The following POLN variants were observed in gnomAD, a reference collection of about 807,000 sequenced individuals.
The protein encoded by POLN is DNA polymerase nu.
Under a neutral mutation model 113.5 loss-of-function variants are expected in POLN, and 108 were observed. The observed-to-expected ratio is 0.95, with a 90% CI of 0.81 to 1.12. POLN has a LOEUF of 1.12. POLN is among the 50% of genes most tolerant of loss of function. POLN has a pLI of 0.00. For missense variants in POLN, 1,097 were observed against 1,077.1 expected (o/e 1.02, Z -0.26); for synonymous variants, 386 against 391.5 (o/e 0.99, Z 0.17).
At chr4:2,221,607 CATCCT>C (rs1180170940) in intron 3 of POLN, among the ~76,000 whole-genome samples, 1 of 152,182 alleles carries the variant, frequency 6.6e-6, no homozygotes, top group Non-Finnish European at 1.5e-5. Flanking sequence ...AACAGAGTCT[CATCCT>C]ATCCTTCAGG....
At chr4:2,114,756 T>C (rs1731276625) in intron 19 of POLN, among the ~76,000 whole-genome samples, 1 of 152,216 alleles carries the variant, frequency 6.6e-6, no homozygotes, top group Admixed American at 6.5e-5. Flanking sequence ...GGTGAGATTT[T>C]TGGATACGTA....
intron 19 of POLN, among the ~76,000 whole-genome samples, chr4:2,097,595 G>A (rs761396704): frequency 2.0e-5 from 3 of 151,398 alleles, no homozygotes; most frequent in African/African-American, 2.4e-5. Context: ...TGATCAGCCC[G>A]CCTTGGCCTC....
intron 13 of POLN, among the ~76,000 whole-genome samples, chr4:2,159,844 G>A (rs1732533430): frequency 6.6e-6 from 1 of 152,164 alleles, no homozygotes; most frequent in Non-Finnish European, 1.5e-5. Context: ...TTGCACGGCT[G>A]TGTAGTATTC....
At chr4:2,191,298 G>A (rs967571835) in intron 7 of POLN, among the ~76,000 whole-genome samples, 1 of 152,146 alleles carries the variant, frequency 6.6e-6, no homozygotes, top group Admixed American at 6.5e-5. Flanking sequence ...TCTCATGAAG[G>A]TAGAGTAGAT....
chr4:2,221,761 G>C (rs1734258765), intron 3 of POLN, among the ~76,000 whole-genome samples: 1 of 152,108 alleles, frequency 6.6e-6, no homozygotes, highest in African/African-American at 2.4e-5. Flanking sequence ...TTTTAGTAGA[G>C]ACAGGGTTCC....
At chr4:2,193,464 A>G in intron 6 of POLN, 148 bp from the exon 7 acceptor site, 1 of 584,280 alleles carries the variant, frequency 1.7e-6, no homozygotes. Context: ...ACTGTTATTT[A>G]TCATCTGCGT....
At chr4:2,112,780 T>C (rs1378836360) in intron 19 of POLN, among the ~76,000 whole-genome samples, 1 of 152,200 alleles carries the variant, frequency 6.6e-6, no homozygotes, top group Non-Finnish European at 1.5e-5. Context: ...ACTTTTACAC[T>C]GTTGGTAGGA....
At chr4:2,074,812 G>A (rs903631777) in intron 24 of POLN, among the ~76,000 whole-genome samples, 4 of 152,134 alleles carry the variant, frequency 2.6e-5, no homozygotes, top group African/African-American at 7.2e-5. Context: ...ACCTGCTCTC[G>A]CCTCTCCCCT....
chr4:2,086,015 C>T (rs550726939), intron 20 of POLN, among the ~76,000 whole-genome samples: 57 of 152,272 alleles, frequency 3.7e-4, no homozygotes, highest in African/African-American at 1.3e-3. Flanking sequence ...CCTCCCAGTG[C>T]GGCCAGTGGG....
intron 19 of POLN, among the ~76,000 whole-genome samples, chr4:2,116,029 ATT>A (rs1731309264): frequency 6.6e-6 from 1 of 151,854 alleles, no homozygotes; most frequent in Non-Finnish European, 1.5e-5. Flanking sequence ...CTGCACCTTG[ATT>A]TTTTTCCCTT....
At chr4:2,231,981 A>G in intron 2 of POLN, 1 of 1,486,056 alleles carries the variant, frequency 6.7e-7, no homozygotes, top group Non-Finnish European at 9.3e-7. Context: ...AATTCTCCAC[A>G]ATATCTTTCA....
Position 2,213,135 on chromosome 4 carries a change from A to G in POLN, c.134-9T>C. The stretch of plus-strand genomic sequence containing the variant: ...GTTTATCACTTCCATAGCTTTTAAA[A>G]ACAACAAAAAAGAAACATGGGGCAT... On this transcript the variant is annotated splice_polypyrimidine_tract_variant and intron_variant, in intron 3 of 25. Coordinates refer to ENST00000511885, the MANE Select transcript of POLN (RefSeq NM_181808.4). 1.3e-6 allele frequency: 2 copies of G among 1,568,456 alleles called. No homozygotes were observed. The highest frequency in any genetic ancestry group is 1.7e-6 in the Non-Finnish European group (2 of 1,155,618).
intron 3 of POLN, 121 bp downstream of exon 3, chr4:2,228,978 T>A: frequency 1.1e-6 from 1 of 944,262 alleles, no homozygotes; most frequent in Non-Finnish European, 1.6e-6. Flanking sequence ...ACTGAATGAG[T>A]GTAAAAGGGG....
chr4:2,193,199 C>CT lies in POLN; in HGVS notation c.1021+4dup. The CT allele has an allele frequency of 6.3e-7, 1 of 1,575,510 alleles. No homozygotes were observed. Among genetic ancestry groups the CT allele is most frequent in the Admixed American group, 1.7e-5 (1 of 58,318 alleles). On this transcript the variant is annotated splice_donor_region_variant and intron_variant, in intron 7 of 25. Transcript: ENST00000511885. The stretch of plus-strand genomic sequence containing the variant: ...ATTATAGAGAGAATAAAAAATATAA[C>CT]TTACCATGCTTCCAACTGCCATCAT...
intron 16 of POLN, among the ~76,000 whole-genome samples, chr4:2,153,276 A>G (rs1183624974): frequency 6.6e-6 from 1 of 152,252 alleles, no homozygotes; most frequent in Non-Finnish European, 1.5e-5. Flanking sequence ...ATGAGATTGC[A>G]TAATAAGTCA....
intron 7 of POLN, among the ~76,000 whole-genome samples, chr4:2,186,995 C>T (rs1577752641): frequency 6.6e-6 from 1 of 152,048 alleles, no homozygotes; most frequent in Admixed American, 6.6e-5. Flanking sequence ...TAGAGGCTCT[C>T]AACAGCAGAA....
intron 5 of POLN, among the ~76,000 whole-genome samples, chr4:2,201,457 T>C (rs1733713621): frequency 6.6e-6 from 1 of 150,842 alleles, no homozygotes; most frequent in Admixed American, 6.6e-5. Flanking sequence ...ACTTCAGAGC[T>C]CAAAGACAAG....
intron 24 of POLN, among the ~76,000 whole-genome samples, chr4:2,073,289 G>A (rs751030200): frequency 1.1e-4 from 17 of 152,152 alleles, no homozygotes; most frequent in South Asian, 2.1e-4. Context: ...CTTGGCCCTC[G>A]CTGCAGCCCC....
At chr4:2,169,583 G>A (rs536447881) in intron 13 of POLN, among the ~76,000 whole-genome samples, 4 of 152,024 alleles carry the variant, frequency 2.6e-5, no homozygotes, top group Admixed American at 6.6e-5. Flanking sequence ...ACACACACAC[G>A]CACACACACT....
Sources: gnomAD v4.1 joint callset for allele counts (sites outside exome capture counted in the v4.1 genomes callset) on GRCh38, gnomAD v4.1.1 for gene constraint, MANE v1.5 for transcripts, NCBI Gene and HGNC (gene_info 2026-07-23, HGNC 2026-07-21) for gene names.